The following KIF26B variants were observed in gnomAD, a reference collection of about 807,000 sequenced individuals.
KIF26B encodes kinesin-like protein KIF26B.
Under a neutral mutation model 151.2 loss-of-function variants are expected in KIF26B, and 63 were observed. That is an observed-to-expected ratio of 0.42 (90% confidence interval 0.34 to 0.51). The LOEUF is 0.51. KIF26B is among the 20% of genes least tolerant of loss of function. The probability of loss-of-function intolerance (pLI) is 0.07; values close to 1 mark genes in which losing one functional copy is unlikely to be tolerated. For missense variants in KIF26B, 2,813 were observed against 2,913.6 expected (o/e 0.97, Z 0.79); for synonymous variants, 1,357 against 1,262.1 (o/e 1.08, Z -1.59).
At chr1:245,351,415 T>C (rs61829607) in intron 2 of KIF26B, among the ~76,000 whole-genome samples, 8 of 145,366 alleles carry the variant, frequency 5.5e-5, no homozygotes, top group Admixed American at 4.0e-4. Flanking sequence ...TGCCTTTTCA[T>C]GTCTTAAACA....
intron 9 of KIF26B, among the ~76,000 whole-genome samples, chr1:245,614,108 C>G (rs2043557490): frequency 6.6e-6 from 1 of 152,110 alleles, no homozygotes; most frequent in African/African-American, 2.4e-5. Flanking sequence ...TTGAGACTCC[C>G]CCATGCTGCA....
chr1:245,620,985 T>C (rs923435295), intron 9 of KIF26B, among the ~76,000 whole-genome samples: 2 of 152,100 alleles, frequency 1.3e-5, no homozygotes, highest in African/African-American at 4.8e-5. Flanking sequence ...CTTATGCAGG[T>C]GACCCAGAGC....
At chr1:245,494,305 TCAAA>T (rs3068403) in intron 4 of KIF26B, among the ~76,000 whole-genome samples, 5 of 151,188 alleles carry the variant, frequency 3.3e-5, no homozygotes, top group African/African-American at 9.7e-5. Flanking sequence ...AAACTCTGTC[TCAAA>T]CAAACAAACA....
chr1:245,350,575 C>A (rs115588020), intron 2 of KIF26B, among the ~76,000 whole-genome samples: 5,452 of 152,198 alleles, frequency 0.036, 292 homozygotes, highest in African/African-American at 0.12. Flanking sequence ...AGACTCTGGT[C>A]TACCATATGA....
At position 245,627,133 on chromosome 1, in the gene KIF26B, G is replaced by A. The variant is rs139172885; in HGVS notation, c.2098+15157G>A. 9.2e-3 allele frequency among the ~76,000 whole-genome samples: 1,403 copies of A among 152,262 alleles called. 18 individuals carry two copies. The highest frequency in any genetic ancestry group is 0.025 in the South Asian group (119 of 4,826). ...TACCAGCCTGTTTTATGTTACAGTAGCTTCCTAGTAGTGTATTTTGAAGTC... is the reference window on the plus strand; with the variant it reads ...TACCAGCCTGTTTTATGTTACAGTAACTTCCTAGTAGTGTATTTTGAAGTC... On this transcript the variant is annotated intron_variant, in intron 9 of 14. Transcript: ENST00000407071.
intron 10 of KIF26B, among the ~76,000 whole-genome samples, chr1:245,681,391 G>A (rs936006767): frequency 4.6e-5 from 7 of 151,762 alleles, no homozygotes; most frequent in African/African-American, 1.5e-4. Flanking sequence ...TTGTATTTTT[G>A]GTAGAGATGG....
intron 2 of KIF26B, among the ~76,000 whole-genome samples, chr1:245,305,134 A>C (rs1671512080): frequency 1.3e-5 from 2 of 152,268 alleles, no homozygotes; most frequent in South Asian, 4.1e-4. Context: ...TCTCTCTAAA[A>C]TTGATATAAC....
intron 10 of KIF26B, among the ~76,000 whole-genome samples, chr1:245,678,837 C>T (rs116137975): frequency 0.029 from 4,415 of 150,840 alleles, 208 homozygotes; most frequent in African/African-American, 0.099. Context: ...CACTCCAGCC[C>T]GGGTGACAGG....
At chr1:245,663,635 G>A (rs1340137476) in intron 10 of KIF26B, among the ~76,000 whole-genome samples, 1 of 152,168 alleles carries the variant, frequency 6.6e-6, no homozygotes, top group Non-Finnish European at 1.5e-5. Flanking sequence ...GACAGCATTT[G>A]TGTTTACTTC....
chr1:245,174,190 G>C (rs1668763229), intron 2 of KIF26B, among the ~76,000 whole-genome samples: 2 of 152,306 alleles, frequency 1.3e-5, no homozygotes, highest in South Asian at 4.1e-4. Context: ...CACATTTTAT[G>C]TGTATGACTC....
At chr1:245,683,363 C>T (rs2044464773) in intron 10 of KIF26B, among the ~76,000 whole-genome samples, 1 of 152,156 alleles carries the variant, frequency 6.6e-6, no homozygotes, top group African/African-American at 2.4e-5. Context: ...TGACATTTGG[C>T]AGCAGTTGAG....
chr1:245,470,290 T>C (rs1659882222), intron 4 of KIF26B, among the ~76,000 whole-genome samples: 6 of 152,136 alleles, frequency 3.9e-5, no homozygotes. Flanking sequence ...CACAATCATC[T>C]AGATTGGAGT....
intron 4 of KIF26B, among the ~76,000 whole-genome samples, chr1:245,436,006 G>A (rs527281014): frequency 2.0e-5 from 3 of 151,884 alleles, no homozygotes; most frequent in East Asian, 3.9e-4. Context: ...ACAAAACCCC[G>A]TCCCTACTAA....
At chr1:245,202,804 G>A (rs1669325602) in intron 2 of KIF26B, among the ~76,000 whole-genome samples, 1 of 150,622 alleles carries the variant, frequency 6.6e-6, no homozygotes, top group African/African-American at 2.5e-5. Context: ...AGCCGGGCAT[G>A]GTGGCGCATA....
At chr1:245,243,765 C>A (rs1670256821) in intron 2 of KIF26B, among the ~76,000 whole-genome samples, 1 of 151,948 alleles carries the variant, frequency 6.6e-6, no homozygotes, top group South Asian at 2.1e-4. Flanking sequence ...GCAGGAGAAT[C>A]GCTTGAACCT....
chr1:245,265,013 C>T (rs1670717119), intron 2 of KIF26B, among the ~76,000 whole-genome samples: 1 of 151,532 alleles, frequency 6.6e-6, no homozygotes, highest in Non-Finnish European at 1.5e-5. Flanking sequence ...TCCTGGCTAA[C>T]ACGGTGAAAC....
At chr1:245,566,315 TCA>T (rs1199202457) in intron 5 of KIF26B, among the ~76,000 whole-genome samples, 1 of 152,256 alleles carries the variant, frequency 6.6e-6, no homozygotes, top group African/African-American at 2.4e-5. Context: ...TCTTTTCAGT[TCA>T]CACTTTATGC....
At chr1:245,633,280 C>CTT (rs35311427) in intron 9 of KIF26B, among the ~76,000 whole-genome samples, 47 of 137,416 alleles carry the variant, frequency 3.4e-4, no homozygotes, top group Admixed American at 6.5e-4. Flanking sequence ...ACAGTTGGGT[C>CTT]TTTTTTTTTT....
At chr1:245,251,796 T>C (rs1670449639) in intron 2 of KIF26B, among the ~76,000 whole-genome samples, 1 of 152,200 alleles carries the variant, frequency 6.6e-6, no homozygotes, top group Non-Finnish European at 1.5e-5. Context: ...ATCTTAATAT[T>C]TAATAGCATA....
Sources: allele counts gnomAD v4.1 joint callset (sites outside exome capture counted in the v4.1 genomes callset), GRCh38; gene constraint gnomAD v4.1.1; transcripts MANE v1.5; gene names NCBI Gene and HGNC (gene_info 2026-07-23, HGNC 2026-07-21).